Variants in MYO16 observed in about 807,000 individuals in gnomAD.
MYO16 encodes the protein myosin XVI, also known as unconventional myosin-XVI.
Under a neutral mutation model 205.3 loss-of-function variants are expected in MYO16, and 94 were observed. The observed-to-expected ratio is 0.46, with a 90% CI of 0.39 to 0.54. The LOEUF is 0.54. MYO16 is among the 20% of genes least tolerant of loss of function. MYO16 has a pLI of 0.00. For missense variants in MYO16, 2,315 were observed against 2,387.5 expected (o/e 0.97, Z 0.63); for synonymous variants, 988 against 954.0 (o/e 1.04, Z -0.66).
chr13:109,085,122 G>A (rs148937851), intron 27 of MYO16, among the ~76,000 whole-genome samples: 74 of 152,270 alleles, frequency 4.9e-4, no homozygotes, highest in African/African-American at 1.6e-3. Flanking sequence ...CCAGGGAGAC[G>A]TTGAACTAGG....
At chr13:109,013,494 C>T (rs528713955) in intron 22 of MYO16, among the ~76,000 whole-genome samples, 4 of 152,140 alleles carry the variant, frequency 2.6e-5, no homozygotes, top group Non-Finnish European at 4.4e-5. Context: ...AATGGGATCG[C>T]TGGTTCAAAT....
the MYO16 span, among the ~76,000 whole-genome samples, chr13:108,497,246 TA>T: frequency 6.6e-6 from 1 of 152,256 alleles, no homozygotes; most frequent in Admixed American, 6.5e-5. Context: ...GCTACCAGAT[TA>T]AATTACATTT....
intron 17 of MYO16, among the ~76,000 whole-genome samples, chr13:108,959,902 G>C (rs565971286): frequency 6.6e-6 from 1 of 151,732 alleles, no homozygotes; most frequent in Non-Finnish European, 1.5e-5. Flanking sequence ...ACAGCACAGA[G>C]TCTTCGGCTG....
At chr13:108,546,336 G>A in the MYO16 span, among the ~76,000 whole-genome samples, 5 of 152,162 alleles carry the variant, frequency 3.3e-5, no homozygotes, top group African/African-American at 1.2e-4. Context: ...GAGCTTTTCT[G>A]AAAATAGGCT....
chr13:108,618,001 A>G (rs1224351964), intron 1 of MYO16, among the ~76,000 whole-genome samples: 3 of 151,816 alleles, frequency 2.0e-5, no homozygotes, highest in Non-Finnish European at 4.4e-5. Context: ...TCACTTCCCA[A>G]TCCTGCCAGT....
At chr13:108,992,346 C>G (rs1407416057) in intron 20 of MYO16, 30 bp from the exon 21 acceptor site, 1 of 1,537,616 alleles carries the variant, frequency 6.5e-7, no homozygotes, top group Non-Finnish European at 8.9e-7. Flanking sequence ...TAAGGATGCC[C>G]ATTTATCCTG....
intron 16 of MYO16, among the ~76,000 whole-genome samples, chr13:108,949,989 CAA>C (rs201871028): frequency 0.15 from 20,552 of 134,124 alleles, 1,718 homozygotes; most frequent in African/African-American, 0.24. Flanking sequence ...GCAAAACAAG[CAA>C]AAAAAAAAAA....
intron 1 of MYO16, among the ~76,000 whole-genome samples, chr13:108,615,796 T>C (rs1428974755): frequency 6.6e-6 from 1 of 152,180 alleles, no homozygotes; most frequent in Non-Finnish European, 1.5e-5. Context: ...GGCCTTCAGA[T>C]TGTTCTGGGT....
intron 34 of MYO16, among the ~76,000 whole-genome samples, chr13:109,202,829 T>C (rs112612325): frequency 0.025 from 3,767 of 152,168 alleles, 165 homozygotes; most frequent in African/African-American, 0.084. Flanking sequence ...TCAAACAACA[T>C]GGTGCTAGTA....
intron 5 of MYO16, among the ~76,000 whole-genome samples, chr13:108,790,573 T>C (rs1331703854): frequency 2.0e-5 from 3 of 152,230 alleles, no homozygotes; most frequent in African/African-American, 4.8e-5. Flanking sequence ...TTATGGGCTA[T>C]ATCCATCTTG....
intron 33 of MYO16, among the ~76,000 whole-genome samples, chr13:109,168,364 A>T (rs1471465523): frequency 6.6e-6 from 1 of 152,154 alleles, no homozygotes; most frequent in Non-Finnish European, 1.5e-5. Flanking sequence ...GATAGAAAAG[A>T]AAAAGATACA....
chr13:109,021,870 G>A (rs1025320696), intron 23 of MYO16, among the ~76,000 whole-genome samples: 1 of 151,748 alleles, frequency 6.6e-6, no homozygotes, highest in Non-Finnish European at 1.5e-5. Context: ...AAAGCAGAGG[G>A]CCTGATACAG....
chr13:108,941,987 T>TA (rs1337220608), intron 16 of MYO16, among the ~76,000 whole-genome samples: 1 of 152,244 alleles, frequency 6.6e-6, no homozygotes, highest in Non-Finnish European at 1.5e-5. Flanking sequence ...GCCTAAGAGT[T>TA]AATTTAATTA....
intron 33 of MYO16, among the ~76,000 whole-genome samples, chr13:109,166,174 A>T (rs1878651952): frequency 2.0e-5 from 3 of 152,232 alleles, no homozygotes; most frequent in African/African-American, 7.2e-5. Flanking sequence ...GTTGGAATTC[A>T]AAGACACATG....
intron 2 of MYO16, among the ~76,000 whole-genome samples, chr13:108,684,383 G>A (rs1882589190): frequency 6.6e-6 from 1 of 152,214 alleles, no homozygotes. Flanking sequence ...CAAGAGATCT[G>A]TGAGGGCAAC....
chr13:109,130,660 C>T lies in MYO16; in HGVS notation c.4051+3110C>T, dbSNP rs946513017. On this transcript the variant is annotated intron_variant, in intron 31 of 34. Transcript: ENST00000457511. ...GATCGCAAAGGTAGCTCCACCCACA[C>T]GTGATAAGCCAGCTGTCAGACAGGG... Among the ~76,000 whole-genome samples, 8 of 152,168 alleles carry T rather than the reference C, an allele frequency of 5.3e-5. No individual in the cohort carries two copies. The South Asian group carries it at 1.0e-3, about 20-fold the overall frequency.
At chr13:108,677,370 T>TATAA (rs1234941195) in intron 2 of MYO16, among the ~76,000 whole-genome samples, 4 of 133,116 alleles carry the variant, frequency 3.0e-5, no homozygotes, top group African/African-American at 1.1e-4. Flanking sequence ...TATATATATA[T>TATAA]ATGCATATAT....
chr13:108,718,068 C>T (rs1285755976), intron 3 of MYO16, among the ~76,000 whole-genome samples: 2 of 152,146 alleles, frequency 1.3e-5, no homozygotes, highest in Admixed American at 6.5e-5. Context: ...TAAAGGCTTG[C>T]ATGCTATAAG....
intron 17 of MYO16, among the ~76,000 whole-genome samples, chr13:108,959,976 GA>G (rs112435583): frequency 0.013 from 1,658 of 126,396 alleles, 17 homozygotes; most frequent in African/African-American, 0.033. Context: ...TGATTTAAAG[GA>G]AAAAAAAAAA....
Sources: allele counts gnomAD v4.1 joint callset (sites outside exome capture counted in the v4.1 genomes callset), GRCh38; gene constraint gnomAD v4.1.1; transcripts MANE v1.5; gene names NCBI Gene and HGNC (gene_info 2026-07-23, HGNC 2026-07-21).